Variants in DOK7 observed in about 807,000 individuals in gnomAD.
DOK7 encodes the protein docking protein 7, also known as protein Dok-7.
Under a neutral mutation model 30.7 loss-of-function variants are expected in DOK7, and 32 were observed. The observed-to-expected ratio is 1.04, with a 90% CI of 0.79 to 1.40. DOK7 has a LOEUF of 1.40. DOK7 is among the 40% of genes most tolerant of loss of function. The pLI is 0.00. For synonymous variants in DOK7, 447 were observed against 324.1 expected (o/e 1.38, Z -4.07); for missense variants, 1,007 against 699.2 (o/e 1.44, Z -4.97).
rs764962641 is a variant in DOK7, at chr4:3,492,779, A to T, written c.793A>T (p.Ser265Cys). Reference protein sequence around the residue: ...GSGGDDRSLSSSSSEASHLDV... With the variant: ...GSGGDDRSLSCSSSEASHLDV... The stretch of plus-strand genomic sequence containing the variant: ...CTCAGGGGATGACCGCAGCCTGTCC[A>T]GCTCATCCTCAGAGGCCAGTCACTT... The change falls in exon 7 of 7, where the codon AGC becomes TGC. Residue 265 changes from serine to cysteine, a missense_variant. Coordinates refer to ENST00000340083, the MANE Select transcript of DOK7 (RefSeq NM_173660.5). 1.2e-6 allele frequency: 2 copies of T among 1,612,754 alleles called. No individual in the cohort carries two copies. Among genetic ancestry groups the T allele is most frequent in the South Asian group, 2.2e-5 (2 of 91,086 alleles).
intron 2 of DOK7, among the ~76,000 whole-genome samples, chr4:3,468,418 GTGCC>G (rs1726461762): frequency 6.6e-6 from 1 of 151,436 alleles, no homozygotes; most frequent in Non-Finnish European, 1.5e-5. Flanking sequence ...AGCAGTGTGT[GTGCC>G]TGTGTGAATG....
intron 6 of DOK7, among the ~76,000 whole-genome samples, chr4:3,491,315 TC>T (rs1346286065): frequency 7.9e-6 from 1 of 126,568 alleles, no homozygotes; most frequent in Non-Finnish European, 1.7e-5. Context: ...TCCTGCCTTC[TC>T]CCCCTGCTCA....
At chr4:3,485,425 G>A in intron 4 of DOK7, 114 bp from the exon 5 acceptor site, 2 of 1,340,914 alleles carry the variant, frequency 1.5e-6, no homozygotes, top group South Asian at 3.8e-5. Flanking sequence ...GGGCCAGGCA[G>A]GGTGTCATTG....
downstream of DOK7, chr4:3,496,846 T>C: frequency 2.0e-6 from 3 of 1,534,452 alleles, no homozygotes; most frequent in Non-Finnish European, 2.6e-6. Context: ...CCCCAGGACC[T>C]GCGACAGCAC....
chr4:3,497,346 G>A (rs78218266), downstream of DOK7, among the ~76,000 whole-genome samples: 1,288 of 152,150 alleles, frequency 8.5e-3, 21 homozygotes, highest in African/African-American at 0.029. Context: ...GGTGGTGAGC[G>A]ACTCGGCGAA....
At chr4:3,491,415 T>TCACCCCAGC (rs879561937) in intron 6 of DOK7, among the ~76,000 whole-genome samples, 3 of 144,016 alleles carry the variant, frequency 2.1e-5, no homozygotes, top group Non-Finnish European at 4.5e-5. Context: ...AGCTTCCTTC[T>TCACCCCAGC]TTCCTTCTTC....
rs1727715772 is a variant in DOK7, at chr4:3,485,527, C to T, written c.533-12C>T. 6.3e-7 allele frequency: 1 copy of T among 1,593,720 alleles called. No individual in the cohort carries two copies. The highest frequency in any genetic ancestry group is 1.7e-5 in the Admixed American group (1 of 58,692). ...CGGGCCAGACTGACCTGTCTCTGTC[C>T]TTCCTCTGCAGGGGCTGGCGTCTTC... On this transcript the variant is annotated splice_polypyrimidine_tract_variant and intron_variant, in intron 4 of 6. Transcript: ENST00000340083.
At chr4:3,467,328 G>A (rs1369782989) in intron 2 of DOK7, among the ~76,000 whole-genome samples, 1 of 151,472 alleles carries the variant, frequency 6.6e-6, no homozygotes, top group Admixed American at 6.6e-5. Flanking sequence ...TGGCTGTAAG[G>A]CCTTCCGTGT....
chr4:3,468,905 CTG>C (rs200693739), intron 2 of DOK7, among the ~76,000 whole-genome samples: 18,798 of 134,864 alleles, frequency 0.14, 1,371 homozygotes, highest in South Asian at 0.33. Flanking sequence ...GTGTGCATGT[CTG>C]TGTGTGTATG....
chr4:3,469,850 C>T (rs1216297904), intron 2 of DOK7, among the ~76,000 whole-genome samples: 1 of 152,104 alleles, frequency 6.6e-6, no homozygotes, highest in Non-Finnish European at 1.5e-5. Flanking sequence ...GCGGCCTGAG[C>T]GTGAGGGGGT....
intron 2 of DOK7, among the ~76,000 whole-genome samples, chr4:3,468,007 G>T (rs997929702): frequency 6.6e-6 from 1 of 152,238 alleles, no homozygotes; most frequent in African/African-American, 2.4e-5. Flanking sequence ...TGGGGGTGAA[G>T]ATTTCAACAC....
chr4:3,494,423 A>G lies in DOK7; in HGVS notation c.*922A>G, dbSNP rs1054662. The G allele has an allele frequency of 0.56, 547,939 of 985,524 alleles. 153,794 individuals carry two copies. The highest frequency in any genetic ancestry group is 0.92 in the East Asian group (8,129 of 8,820). The allele number at this position is 985,524 out of a possible 1,614,324, so 61.0% of individuals were successfully genotyped here. A position where few individuals can be genotyped will look rare whatever the true frequency, so the allele number is the denominator to read the frequency against. ...AACACCTCTTTGTCCCTTCACTGTCAGCTGTTTCTAAACCCAGACACTGTT... is the reference window on the plus strand; with the variant it reads ...AACACCTCTTTGTCCCTTCACTGTCGGCTGTTTCTAAACCCAGACACTGTT... On this transcript the variant is annotated 3_prime_UTR_variant, in exon 7 of 7. Transcript: ENST00000340083.
At chr4:3,467,455 C>G (rs547993556) in intron 2 of DOK7, among the ~76,000 whole-genome samples, 1 of 131,206 alleles carries the variant, frequency 7.6e-6, no homozygotes, top group African/African-American at 2.7e-5. Flanking sequence ...GAAGACCCCC[C>G]CCCCCCACCC....
chr4:3,465,031 G>T (rs947525720), intron 2 of DOK7, among the ~76,000 whole-genome samples: 11 of 152,176 alleles, frequency 7.2e-5, no homozygotes, highest in Non-Finnish European at 1.5e-4. Flanking sequence ...AAGGTGCCAT[G>T]CCCCCTCTGG....
chr4:3,480,930 C>T (rs776010683), intron 4 of DOK7, among the ~76,000 whole-genome samples: 2 of 152,028 alleles, frequency 1.3e-5, no homozygotes, highest in African/African-American at 2.4e-5. Flanking sequence ...GGGGGCACTG[C>T]GGGGAAGCTC....
chr4:3,488,423 C>G (rs1311111333), intron 5 of DOK7, among the ~76,000 whole-genome samples: 1 of 152,238 alleles, frequency 6.6e-6, no homozygotes, highest in African/African-American at 2.4e-5. Flanking sequence ...GGGACAGGGC[C>G]TCTTCAGCCT....
chr4:3,499,800 G>A (rs1396275842), intron 6 of DOK7, among the ~76,000 whole-genome samples: 1 of 152,028 alleles, frequency 6.6e-6, no homozygotes. Context: ...GGACAGTGAG[G>A]GGGAGGTGCT....
intron 5 of DOK7, among the ~76,000 whole-genome samples, chr4:3,488,947 G>C (rs1727987181): frequency 6.6e-6 from 1 of 152,250 alleles, no homozygotes; most frequent in Non-Finnish European, 1.5e-5. Context: ...GCATGGGCGG[G>C]GGCTTGGGGA....
At chr4:3,484,813 C>T in intron 4 of DOK7, 3 of 985,522 alleles carry the variant, frequency 3.0e-6, no homozygotes, top group Non-Finnish European at 2.4e-6. Context: ...CGGTGCTGGC[C>T]AGCAGTGACG....
Sources: allele counts gnomAD v4.1 joint callset (sites outside exome capture counted in the v4.1 genomes callset), GRCh38; gene constraint gnomAD v4.1.1; transcripts MANE v1.5; gene names NCBI Gene and HGNC (gene_info 2026-07-23, HGNC 2026-07-21).